Variants in ANKRD31 observed in about 807,000 individuals in gnomAD.
ANKRD31 encodes ankyrin repeat domain 31, also known as ankyrin repeat domain-containing protein 31.
A neutral mutation model predicts 186.0 loss-of-function variants in ANKRD31; 147 were observed. The observed-to-expected ratio is 0.79, with a 90% CI of 0.69 to 0.91. ANKRD31 has a LOEUF of 0.91. ANKRD31 is among the 40% of genes least tolerant of loss of function. ANKRD31 has a pLI of 0.00. For missense variants in ANKRD31, 1,986 were observed against 2,148.8 expected (o/e 0.92, Z 1.50); for synonymous variants, 673 against 736.4 (o/e 0.91, Z 1.39).
chr5:75,213,931 A>C (rs1756804930), intron 3 of ANKRD31, among the ~76,000 whole-genome samples: 1 of 152,210 alleles, frequency 6.6e-6, no homozygotes, highest in Non-Finnish European at 1.5e-5. Flanking sequence ...GACACACTGA[A>C]TGTCTCACAC....
chr5:75,132,667 G>A (rs1010499465), intron 17 of ANKRD31, among the ~76,000 whole-genome samples: 5 of 151,940 alleles, frequency 3.3e-5, no homozygotes, highest in African/African-American at 4.8e-5. Context: ...TACAGAGAAC[G>A]CCACAAAGAT....
chr5:75,130,350 A>G (rs915108396), intron 17 of ANKRD31, among the ~76,000 whole-genome samples: 9 of 152,206 alleles, frequency 5.9e-5, no homozygotes, highest in African/African-American at 1.9e-4. Flanking sequence ...AAGCTTCCAC[A>G]GTGTGGAAAG....
intron 17 of ANKRD31, 145 bp downstream of exon 17, chr5:75,137,711 G>T: frequency 1.5e-6 from 1 of 665,476 alleles, no homozygotes; most frequent in Non-Finnish European, 2.2e-6. Context: ...ATATATTATT[G>T]TATCTTCATT....
chr5:75,190,144 C>T (rs770761995), intron 9 of ANKRD31, among the ~76,000 whole-genome samples: 50 of 152,036 alleles, frequency 3.3e-4, no homozygotes, highest in Admixed American at 7.9e-4. Context: ...CTCAGCCTCC[C>T]GAGTAGCTGG....
rs1389232498 is a variant in ANKRD31 at position 75,196,142 on chromosome 5, G to A, written c.506C>T (p.Thr169Ile). The A allele has an allele frequency of 2.0e-6, 3 of 1,521,358 alleles. No individual in the cohort carries two copies. The highest frequency in any genetic ancestry group is 1.2e-5 in the South Asian group (1 of 80,424). The allele number at this position is 1,521,358 out of a possible 1,614,324, so 94.2% of individuals were successfully genotyped here. A position where few individuals can be genotyped will look rare whatever the true frequency, so the allele number is the denominator to read the frequency against. Residue 169 changes from threonine (T) to isoleucine (I), a missense_variant, in exon 7 of 26, where the codon ACA (threonine) becomes ATA (isoleucine). Coordinates refer to ENST00000506364, the MANE Select transcript of ANKRD31 (RefSeq NM_001372053.1). ...EVSLLSGTAI[T>I]VSDTVAVKET... ...CTTTACAGCAACTGTATCAGATACT[G>A]TAATAGCAGTGCCTGAGAGAAGGCT...
chr5:75,098,065 C>T (rs1311494239), intron 22 of ANKRD31, among the ~76,000 whole-genome samples: 4 of 151,988 alleles, frequency 2.6e-5, no homozygotes, highest in African/African-American at 9.7e-5. Flanking sequence ...CACTGTGTCG[C>T]CCAGGCTGGA....
intron 23 of ANKRD31, among the ~76,000 whole-genome samples, chr5:75,089,373 G>C (rs866754882): frequency 2.0e-5 from 3 of 152,112 alleles, no homozygotes; most frequent in Admixed American, 6.5e-5. Context: ...CAGATACAGG[G>C]CAATACCTTG....
At chr5:75,181,385 G>A (rs1754280097) in intron 10 of ANKRD31, among the ~76,000 whole-genome samples, 1 of 152,050 alleles carries the variant, frequency 6.6e-6, no homozygotes, top group Non-Finnish European at 1.5e-5. Context: ...CCATTACTGG[G>A]TATATACCCA....
chr5:75,124,324 C>T (rs1749031541), intron 17 of ANKRD31, among the ~76,000 whole-genome samples: 2 of 152,136 alleles, frequency 1.3e-5, no homozygotes, highest in Non-Finnish European at 2.9e-5. Context: ...TGCTTATACA[C>T]TGTTGGTGGG....
At chr5:75,092,046 C>T (rs1357628477) in intron 22 of ANKRD31, among the ~76,000 whole-genome samples, 3 of 152,176 alleles carry the variant, frequency 2.0e-5, no homozygotes, top group Non-Finnish European at 4.4e-5. Flanking sequence ...GAAAAATCAC[C>T]TTTGGCCCCA....
rs1302122155 is a variant in ANKRD31 at position 75,147,017 on chromosome 5, A to G, written c.2394T>C (p.Ser798=). 2 of 1,536,454 alleles carry G rather than the reference A, an allele frequency of 1.3e-6. No individual in the cohort carries two copies. The highest frequency in any genetic ancestry group is 2.0e-5 in the Admixed American group (1 of 50,930). The change falls in exon 14 of 26, where the codon AGT becomes AGC. Residue 798 remains serine (S), a synonymous_variant. Coordinates refer to ENST00000506364, the MANE Select transcript of ANKRD31 (RefSeq NM_001372053.1). The stretch of plus-strand genomic sequence containing the variant: ...CTTTGGAAACTGAACAAGCCTCAGT[A>G]CTGCTATCTAATCCATTTCTCAGGC... ...LSSLRNGLDS[S]TEACSVSKEK... is the part of the protein sequence containing the mutation.
intron 3 of ANKRD31, among the ~76,000 whole-genome samples, chr5:75,212,591 C>T (rs1217257195): frequency 6.6e-6 from 1 of 152,168 alleles, no homozygotes; most frequent in African/African-American, 2.4e-5. Context: ...TGTGATGGCA[C>T]CACTGCACCC....
intron 11 of ANKRD31, among the ~76,000 whole-genome samples, chr5:75,167,432 C>T (rs1753009211): frequency 6.6e-6 from 1 of 152,204 alleles, no homozygotes; most frequent in East Asian, 1.9e-4. Context: ...TTTCTCTGAT[C>T]ATCTTTGCCT....
intron 22 of ANKRD31, among the ~76,000 whole-genome samples, chr5:75,098,877 C>A (rs1271809611): frequency 6.6e-6 from 1 of 152,178 alleles, no homozygotes. Context: ...CATCTGCAAA[C>A]AGGGACAATT....
At chr5:75,173,072 G>A (rs1194280427) in intron 10 of ANKRD31, among the ~76,000 whole-genome samples, 1 of 152,108 alleles carries the variant, frequency 6.6e-6, no homozygotes, top group African/African-American at 2.4e-5. Flanking sequence ...GGGATGCAAA[G>A]CTGGTTCAAC....
At position 75,170,794 on chromosome 5, in the gene ANKRD31, G is replaced by A. The variant is rs144247932; in HGVS notation, c.1565-1673C>T. Among the ~76,000 whole-genome samples, 119 of 152,102 alleles carry A rather than the reference G, an allele frequency of 7.8e-4. 1 individual carries two copies. In the East Asian group the frequency reaches 0.02, roughly 25 times the overall value. The stretch of plus-strand genomic sequence containing the variant: ...CAGTAAAAGGATAGAAAAACATATC[G>A]TAAATAAGCAGTAAACATAAGAAGG... On this transcript the variant is annotated intron_variant, in intron 10 of 25. Transcript: ENST00000506364.
chr5:75,138,161 T>C (rs1461286923), intron 16 of ANKRD31, among the ~76,000 whole-genome samples, 163 bp from the exon 17 acceptor site: 2 of 152,202 alleles, frequency 1.3e-5, no homozygotes, highest in East Asian at 1.9e-4. Context: ...TATGGACTTA[T>C]AATTTATGTT....
intron 13 of ANKRD31, 66 bp from the exon 14 acceptor site, chr5:75,147,571 A>G (rs1458273279): frequency 9.9e-7 from 1 of 1,014,980 alleles, no homozygotes; most frequent in East Asian, 2.8e-5. Context: ...TTCAATCTGG[A>G]TTATTGATAA....
At chr5:75,164,978 T>A (rs1244157480) in intron 11 of ANKRD31, among the ~76,000 whole-genome samples, 1 of 152,236 alleles carries the variant, frequency 6.6e-6, no homozygotes, top group African/African-American at 2.4e-5. Flanking sequence ...TTTAGGTTGC[T>A]GTGTCTTAAT....
Sources: allele counts gnomAD v4.1 joint callset (sites outside exome capture counted in the v4.1 genomes callset), GRCh38; gene constraint gnomAD v4.1.1; transcripts MANE v1.5; gene names NCBI Gene and HGNC (gene_info 2026-07-23, HGNC 2026-07-21).